The following PTPRA variants were observed in gnomAD, a reference collection of about 807,000 sequenced individuals.
The protein encoded by PTPRA is receptor-type tyrosine-protein phosphatase alpha.
PTPRA carries 25 observed loss-of-function variants against 104.8 expected under a neutral mutation model. The ratio of observed to expected loss-of-function variants is 0.24; its 90% confidence interval spans 0.17 to 0.33. The LOEUF (loss-of-function observed/expected upper bound fraction) is 0.33, where lower values mean the gene tolerates loss of function less well. PTPRA is among the 10% of genes least tolerant of loss of function. The pLI is 1.00. For missense variants in PTPRA, 765 were observed against 1,015.3 expected, an observed-to-expected ratio of 0.75 and a Z score of 3.35; for synonymous variants, 323 against 368.9, an observed-to-expected ratio of 0.88 and a Z score of 1.43.
chr20:2,903,410 G>A (rs928791377), intron 1 of PTPRA, among the ~76,000 whole-genome samples: 4 of 152,248 alleles, frequency 2.6e-5, no homozygotes, highest in African/African-American at 9.6e-5. Context: ...TTATTGGCTG[G>A]GTGTAGTGGC....
At chr20:2,948,081 A>G in intron 3 of PTPRA, 57 bp downstream of exon 3, 1 of 884,118 alleles carries the variant, frequency 1.1e-6, no homozygotes, top group Non-Finnish European at 1.6e-6. Flanking sequence ...AAGAAAGGAA[A>G]CATGGAATTC....
At chr20:2,895,328 A>G (rs1398781192) in intron 1 of PTPRA, among the ~76,000 whole-genome samples, 1 of 151,828 alleles carries the variant, frequency 6.6e-6, no homozygotes, top group Non-Finnish European at 1.5e-5. Flanking sequence ...CACCCACCTC[A>G]GCCTCCCAAA....
chr20:3,014,263 T>C (rs1346226198), intron 11 of PTPRA, among the ~76,000 whole-genome samples: 1 of 152,226 alleles, frequency 6.6e-6, no homozygotes, highest in African/African-American at 2.4e-5. Context: ...TGACTAAACA[T>C]ATCCATCTCT....
chr20:2,964,945 C>T lies in PTPRA; in HGVS notation c.158C>T (p.Thr53Ile), dbSNP rs768585328. Residue 53 changes from threonine (T) to isoleucine (I), a missense_variant, in exon 5 of 24, where the codon ACT becomes ATT. Thr to Ile is a moderately conservative substitution (Grantham distance 89, BLOSUM62 -1). Around this residue, in one of 4 missense-constraint regions of PTPRA, gnomAD observed 256 missense variants for 248.9 expected, o/e 1.03. Transcript: ENST00000399903. ...VKEEAKTSNP[T>I]SSLTSLSVAP... ...GAAGAGGCCAAAACTTCAAATCCAA[C>T]TTCTTCACTAACTTCTCTTTCTGTG... The T allele has an allele frequency of 1.5e-5, 25 of 1,613,838 alleles. No homozygotes were observed. The African/African-American group carries it at 2.8e-4, about 18-fold the overall frequency.
upstream of PTPRA, among the ~76,000 whole-genome samples, chr20:2,872,610 C>T (rs2089456984): frequency 6.6e-6 from 1 of 152,254 alleles, no homozygotes; most frequent in African/African-American, 2.4e-5. The surrounding 1 kb of genome is among the most constrained non-coding windows in gnomAD (Gnocchi z 7.9). Flanking sequence ...AATCGGCTTT[C>T]AGCCGCAGAC....
chr20:2,894,326 C>T (rs2058910431), intron 1 of PTPRA, among the ~76,000 whole-genome samples: 1 of 152,164 alleles, frequency 6.6e-6, no homozygotes, highest in Non-Finnish European at 1.5e-5. Context: ...CATAATCCTG[C>T]TTATTTTTGG....
intron 9 of PTPRA, among the ~76,000 whole-genome samples, chr20:2,999,529 A>G (rs1292714153): frequency 6.6e-6 from 1 of 152,242 alleles, no homozygotes; most frequent in African/African-American, 2.4e-5. Flanking sequence ...GTGGAATGAA[A>G]TAAAGAGCCC....
chr20:2,941,187 C>CCTT (rs1293460893), intron 2 of PTPRA, among the ~76,000 whole-genome samples: 10 of 148,254 alleles, frequency 6.7e-5, no homozygotes, highest in South Asian at 2.2e-4. Flanking sequence ...CCTGCAATCA[C>CCTT]GCCAGGCTAA....
intron 20 of PTPRA, among the ~76,000 whole-genome samples, chr20:3,032,572 C>T (rs937556196): frequency 9.9e-5 from 15 of 151,356 alleles, no homozygotes; most frequent in East Asian, 1.9e-4. Flanking sequence ...TCGAGACCAG[C>T]CTGGCCAACA....
intron 12 of PTPRA, 108 bp downstream of exon 12, chr20:3,015,993 C>A: frequency 8.9e-7 from 1 of 1,117,408 alleles, no homozygotes; most frequent in South Asian, 1.5e-5. Flanking sequence ...TGTAGCTTTT[C>A]TGTACTTTTT....
chr20:2,963,536 G>A (rs763556107), intron 3 of PTPRA, among the ~76,000 whole-genome samples: 13 of 152,020 alleles, frequency 8.6e-5, no homozygotes, highest in East Asian at 3.9e-4. Flanking sequence ...GGAGGTTGCC[G>A]TGAGCCAAGA....
In PTPRA at chr20:3,035,436, A is replaced by G; in HGVS notation, c.1921-149A>G. 1 of 883,860 alleles carries G rather than the reference A, an allele frequency of 1.1e-6. No homozygotes were observed. Among genetic ancestry groups the G allele is most frequent in the South Asian group, 1.7e-5 (1 of 57,986 alleles). The allele number at this position is 883,860 out of a possible 1,614,324, so 54.8% of individuals were successfully genotyped here. On this transcript the variant is annotated intron_variant, in intron 20 of 23. Coordinates refer to ENST00000399903, the MANE Select transcript of PTPRA (RefSeq NM_001385305.1). The surrounding 1 kb of genome is among the most constrained non-coding windows in gnomAD (Gnocchi z 5.8). ...GAGGTTAATTGGAATGATGTGATAT[A>G]ATGATCCTGCAAGTTTTCAATACCT...
chr20:3,021,217 T>G, intron 13 of PTPRA, 92 bp from the exon 14 acceptor site: 1 of 1,561,354 alleles, frequency 6.4e-7, no homozygotes, highest in East Asian at 2.3e-5. Context: ...GGGACTTTAA[T>G]CTGGGCTTTG....
chr20:2,927,895 A>C (rs994308952), intron 2 of PTPRA, among the ~76,000 whole-genome samples: 4 of 151,992 alleles, frequency 2.6e-5, no homozygotes, highest in Non-Finnish European at 5.9e-5. Flanking sequence ...CTGTAATCCT[A>C]GCTAGTCGGG....
chr20:2,911,958 G>C (rs1348324027), intron 1 of PTPRA, among the ~76,000 whole-genome samples: 1 of 152,146 alleles, frequency 6.6e-6, no homozygotes, highest in Non-Finnish European at 1.5e-5. Context: ...TAAGAAATTA[G>C]AAGGCCGGGC....
At chr20:2,864,427 C>A in the PTPRA span, 3 of 1,614,026 alleles carry the variant, frequency 1.9e-6, no homozygotes, top group African/African-American at 1.3e-5. This position sits in a 1 kb window ranked among gnomAD's most constrained non-coding sequence, Gnocchi z 5.2. Context: ...CATGACCCTT[C>A]GGAATCAGCC....
intron 9 of PTPRA, among the ~76,000 whole-genome samples, chr20:2,989,720 C>G (rs1054293449): frequency 1.3e-5 from 2 of 152,070 alleles, no homozygotes; most frequent in African/African-American, 4.8e-5. Context: ...AGATTTACAT[C>G]TTGAAAAAAT....
intron 11 of PTPRA, among the ~76,000 whole-genome samples, chr20:3,009,272 G>A (rs1198875507): frequency 7.6e-6 from 1 of 131,170 alleles, no homozygotes; most frequent in Non-Finnish European, 1.7e-5. Flanking sequence ...GGGGTGCTGA[G>A]TTGTGTGATT....
intron 1 of PTPRA, among the ~76,000 whole-genome samples, chr20:2,910,881 A>G (rs1405638441): frequency 1.3e-5 from 2 of 149,540 alleles, no homozygotes; most frequent in Non-Finnish European, 3.0e-5. Context: ...CTGGGATCAC[A>G]GGTGTGAGCC....
Sources: gnomAD v4.1 joint callset for allele counts (sites outside exome capture counted in the v4.1 genomes callset) on GRCh38, gnomAD v4.1.1 for gene constraint, gnomAD v4.1.1 regional missense constraint, Gnocchi (gnomAD v3.1) non-coding constraint, MANE v1.5 for transcripts, NCBI Gene and HGNC (gene_info 2026-07-23, HGNC 2026-07-21) for gene names.